Variants in SUSD1 observed in about 807,000 individuals in gnomAD.
SUSD1 encodes sushi domain-containing protein 1.
Under a neutral mutation model 86.9 loss-of-function variants are expected in SUSD1, and 65 were observed. The ratio of observed to expected loss-of-function variants is 0.75; its 90% CI spans 0.61 to 0.92. SUSD1 has a LOEUF of 0.92. SUSD1 is among the 40% of genes least tolerant of loss of function. SUSD1 has a pLI of 0.00. For synonymous variants in SUSD1, 346 were observed against 350.0 expected, an observed-to-expected ratio of 0.99 and a Z score of 0.13; for missense variants, 850 against 929.7, an observed-to-expected ratio of 0.91 and a Z score of 1.11.
intron 12 of SUSD1, among the ~76,000 whole-genome samples, chr9:112,077,499 C>CTTTTTTTTTTTT (rs869259276): frequency 1.5e-5 from 1 of 66,404 alleles, no homozygotes; most frequent in African/African-American, 6.1e-5. Flanking sequence ...TAGTAATCTA[C>CTTTTTTTTTTTT]TTTTTTTTTT....
intron 14 of SUSD1, among the ~76,000 whole-genome samples, chr9:112,056,597 A>AGGG (rs1232928772): frequency 2.6e-5 from 4 of 152,210 alleles, no homozygotes; most frequent in Non-Finnish European, 5.9e-5. Context: ...ATGTTTTCAA[A>AGGG]GCCCTTTCAT....
chr9:112,164,760 C>T (rs973061942), intron 1 of SUSD1, among the ~76,000 whole-genome samples: 2 of 151,916 alleles, frequency 1.3e-5, no homozygotes, highest in African/African-American at 2.4e-5. Flanking sequence ...CTGGCTAACA[C>T]GGTGAAACCC....
intron 14 of SUSD1, among the ~76,000 whole-genome samples, chr9:112,055,516 A>G (rs182589686): frequency 3.3e-4 from 51 of 152,342 alleles, no homozygotes; most frequent in African/African-American, 1.2e-3. Flanking sequence ...AGTAAGTGTT[A>G]GCAGGGACAT....
intron 2 of SUSD1, among the ~76,000 whole-genome samples, chr9:112,151,904 C>T (rs978051451): frequency 1.3e-5 from 2 of 151,934 alleles, no homozygotes; most frequent in African/African-American, 4.8e-5. Flanking sequence ...CACAGTGGTA[C>T]ATGCCTGTAA....
Position 112,154,349 on chromosome 9 carries a change from AAAAG to A in SUSD1, c.217+3147_217+3150del, listed in dbSNP as rs1478300750. Among the ~76,000 whole-genome samples, 218 of 151,416 alleles carry A rather than the reference AAAAG, an allele frequency of 1.4e-3. 1 individual carries two copies. In the Middle Eastern group the frequency reaches 0.021, roughly 14 times the overall value. On this transcript the variant is annotated intron_variant, in intron 2 of 16. Coordinates refer to ENST00000374270, the MANE Select transcript of SUSD1 (RefSeq NM_022486.5). ...ACACACACACACAAAAAAAAAAAAA[AAAAG>A]AGAGAGAAAAATTAGCTGCACGTGG...
chr9:112,135,006 C>T (rs1296669746), intron 5 of SUSD1, among the ~76,000 whole-genome samples: 1 of 151,054 alleles, frequency 6.6e-6, no homozygotes, highest in Non-Finnish European at 1.5e-5. Context: ...GCAGAGGTTG[C>T]AGTGAGTCAA....
In SUSD1 at chr9:112,149,331, C is replaced by T. The variant is rs769688623; in HGVS notation, c.286G>A (p.Gly96Arg). The change falls in exon 3 of 17, where the codon GGG becomes AGG. Residue 96 changes from glycine (G) to arginine (R), a missense_variant. Gly to Arg is a moderately radical substitution (Grantham distance 125). Transcript: ENST00000374270. ...GNHTSCHNTP[G>R]GFYCICLEGY... ...TCCAGGCAAATGCAATAGAAGCCCC[C>T]GGGGGTGTTGTGGCAAGATGTGTGG... is the stretch of plus-strand genomic sequence containing the variant. The T allele has an allele frequency of 9.9e-6, 16 of 1,614,020 alleles. No homozygotes were observed. The highest frequency in any genetic ancestry group is 2.7e-5 in the African/African-American group (2 of 74,916).
chr9:112,152,614 T>C (rs1225162681), intron 2 of SUSD1, among the ~76,000 whole-genome samples: 1 of 149,730 alleles, frequency 6.7e-6, no homozygotes, highest in Non-Finnish European at 1.5e-5. Context: ...CTCAATATGT[T>C]GCTCAGACTC....
rs1184608672 is a variant in SUSD1, at chr9:112,041,388, T to TC, written c.*103dup. 1 of 774,000 alleles carries TC rather than the reference T, an allele frequency of 1.3e-6. No homozygotes were observed. The highest frequency in any genetic ancestry group is 2.4e-5 in the East Asian group (1 of 41,122). The allele number at this position is 774,000 out of a possible 1,614,324, so 47.9% of individuals were successfully genotyped here. A position where few individuals can be genotyped will look rare whatever the true frequency, so the allele number is the denominator to read the frequency against. ...TGGAGAAAGTTGCAGGCCCACATGC[T>TC]CCCTGGACGGAAGTCACACGGAGCC... On this transcript the variant is annotated 3_prime_UTR_variant, in exon 17 of 17. Coordinates refer to ENST00000374270, the MANE Select transcript of SUSD1 (RefSeq NM_022486.5).
chr9:112,148,522 A>T (rs1043142859), intron 3 of SUSD1, among the ~76,000 whole-genome samples: 1 of 152,082 alleles, frequency 6.6e-6, no homozygotes, highest in Non-Finnish European at 1.5e-5. Context: ...TGAGCTGAGG[A>T]GTGCCACTCA....
intron 2 of SUSD1, among the ~76,000 whole-genome samples, chr9:112,152,283 T>C (rs1833084520): frequency 6.6e-6 from 1 of 150,832 alleles, no homozygotes; most frequent in African/African-American, 2.5e-5. Context: ...AACTTTTCAA[T>C]TTTTTTAACT....
rs1829846237 is a variant in SUSD1 at position 112,083,338 on chromosome 9, C to G, written c.1475-3173G>C. ...TGCCTCCTGAGTTCAAGCAATTCTC[C>G]TGCCTCAGCCTCCCAAGTAGCTGGG... is the stretch of plus-strand genomic sequence containing the variant. On this transcript the variant is annotated intron_variant, in intron 10 of 16. Coordinates refer to ENST00000374270, the MANE Select transcript of SUSD1 (RefSeq NM_022486.5). Among the ~76,000 whole-genome samples, 6 of 152,160 alleles carry G rather than the reference C, an allele frequency of 3.9e-5. No individual in the cohort carries two copies. The South Asian group carries it at 1.2e-3, about 32-fold the overall frequency.
intron 1 of SUSD1, chr9:112,173,737 T>C: frequency 5.2e-6 from 2 of 387,036 alleles, no homozygotes; most frequent in Admixed American, 5.7e-5. Context: ...GGGCTTAACC[T>C]CCTTGGGGTT....
intron 10 of SUSD1, among the ~76,000 whole-genome samples, chr9:112,089,668 T>C (rs1272658248): frequency 1.3e-5 from 2 of 151,754 alleles, no homozygotes; most frequent in Admixed American, 6.6e-5. Flanking sequence ...AAAAATTAGC[T>C]GGGCGTGGTG....
At chr9:112,138,689 C>T (rs973066338) in intron 5 of SUSD1, among the ~76,000 whole-genome samples, 3 of 152,156 alleles carry the variant, frequency 2.0e-5, no homozygotes, top group African/African-American at 7.2e-5. Context: ...ACCTCGTGAT[C>T]AGCCTGCCTT....
At chr9:112,136,941 G>T (rs903756507) in intron 5 of SUSD1, among the ~76,000 whole-genome samples, 1 of 152,084 alleles carries the variant, frequency 6.6e-6, no homozygotes, top group Non-Finnish European at 1.5e-5. Flanking sequence ...TGTTTGTCTT[G>T]GCACCCCTCT....
Position 112,143,150 on chromosome 9 carries a change from AT to A in SUSD1, c.526+320del, listed in dbSNP as rs1056303196. On this transcript the variant is annotated intron_variant, in intron 4 of 16. Coordinates refer to ENST00000374270, the MANE Select transcript of SUSD1 (RefSeq NM_022486.5). ...CAGGTGCCCACCACCACACCTGGCT[AT>A]TTTTTTTTATTTTTAGTAGAGATAG... 1.1e-4 allele frequency among the ~76,000 whole-genome samples: 17 copies of A among 148,528 alleles called. No homozygotes were observed. In the South Asian group the frequency reaches 3.4e-3, roughly 30 times the overall value.
chr9:112,121,857 T>C (rs1282804013), intron 6 of SUSD1, among the ~76,000 whole-genome samples: 1 of 152,216 alleles, frequency 6.6e-6, no homozygotes, highest in African/African-American at 2.4e-5. Flanking sequence ...AATCATTGCC[T>C]TTTCTCACCT....
At chr9:112,118,791 A>G (rs1438305260) in intron 6 of SUSD1, among the ~76,000 whole-genome samples, 1 of 152,182 alleles carries the variant, frequency 6.6e-6, no homozygotes, top group African/African-American at 2.4e-5. Flanking sequence ...AGCCAGGAAT[A>G]CATTTTTATC....
Sources: allele counts gnomAD v4.1 joint callset (sites outside exome capture counted in the v4.1 genomes callset), GRCh38; gene constraint gnomAD v4.1.1; transcripts MANE v1.5; gene names NCBI Gene and HGNC (gene_info 2026-07-23, HGNC 2026-07-21).